TYW5: variants seen among roughly 807,000 people sequenced by gnomAD.
TYW5 encodes tRNA wybutosine-synthesizing protein 5.
Under a neutral mutation model 44.4 loss-of-function variants are expected in TYW5, and 36 were observed. The ratio of observed to expected loss-of-function variants is 0.81; its 90% CI spans 0.62 to 1.07. The LOEUF (loss-of-function observed/expected upper bound fraction) is 1.07. Ranked by LOEUF, TYW5 falls within the 50% of genes least tolerant of loss-of-function variation. TYW5 has a pLI of 0.00. For missense variants in TYW5, 354 were observed against 365.7 expected (o/e 0.97, Z 0.26); for synonymous variants, 121 against 128.1 (o/e 0.94, Z 0.37).
chr2:199,935,931 C>T lies in TYW5; in HGVS notation c.691G>A (p.Ala231Thr). Residue 231 changes from alanine (A) to threonine (T), a missense_variant and splice_region_variant, in exon 7 of 8, where the codon GCT becomes ACT. Coordinates refer to ENST00000354611, the MANE Select transcript of TYW5 (RefSeq NM_001039693.3). ...CATTAGTGAGGTCTAGAAATCTTACCAGGAATGAATAATACATCACCAGCT... is the reference window on the plus strand; with the variant it reads ...CATTAGTGAGGTCTAGAAATCTTACTAGGAATGAATAATACATCACCAGCT... Reference protein sequence around the residue: ...LEAGDVLFIPALWFHNVISEE... With the variant: ...LEAGDVLFIPTLWFHNVISEE... The T allele has an allele frequency of 1.3e-6, 2 of 1,591,844 alleles. No homozygotes were observed. Among genetic ancestry groups the T allele is most frequent in the Non-Finnish European group, 1.7e-6 (2 of 1,162,420 alleles).
intron 3 of TYW5, chr2:199,941,974 C>G (rs897492905): frequency 3.9e-5 from 6 of 152,246 alleles, no homozygotes; most frequent in Non-Finnish European, 5.9e-5. Flanking sequence ...AGATCTGTAT[C>G]TACATGTCTT....
In TYW5 at chr2:199,955,212, G is replaced by A. The variant is rs945808249; in HGVS notation, c.78+181C>T. On this transcript the variant is annotated intron_variant, in intron 1 of 7. Transcript: ENST00000354611. ...GACTTTCTCCGGAAATTTCAATAGAGGAGCCAGTCGGCGTCCCCCGTGCAC... is the reference window on the plus strand; with the variant it reads ...GACTTTCTCCGGAAATTTCAATAGAAGAGCCAGTCGGCGTCCCCCGTGCAC... The A allele has an allele frequency of 1.0e-5, 6 of 591,306 alleles. No individual in the cohort carries two copies. The African/African-American group carries it at 1.1e-4, about 11-fold the overall frequency. The allele number at this position is 591,306 out of a possible 1,614,324, so 36.6% of individuals were successfully genotyped here. A position where few individuals can be genotyped will look rare whatever the true frequency, so the allele number is the denominator to read the frequency against.
chr2:199,943,487 A>G, intron 3 of TYW5: 1 of 280,386 alleles, frequency 3.6e-6, no homozygotes, highest in African/African-American at 2.2e-5. Flanking sequence ...TAAGTATTTT[A>G]CTATTTTATT....
Position 199,933,203 on chromosome 2 carries a change from G to T in TYW5, c.812C>A (p.Ala271Glu). The T allele has an allele frequency of 6.2e-7, 1 of 1,614,136 alleles. No homozygotes were observed. Among genetic ancestry groups the T allele is most frequent in the Non-Finnish European group, 8.5e-7 (1 of 1,180,022 alleles). Residue 271 changes from alanine to glutamate, a missense_variant, in exon 8 of 8, where the codon GCA becomes GAA. Transcript: ENST00000354611. The part of the protein sequence containing the change: ...TDTYGNKDPT[A>E]ASRAAQILDR... ...CAGAATTTGTGCAGCTCTTGATGCT[G>T]CTGTAGGATCTTTGTTTCCATAGGT...
chr2:199,953,912 C>T (rs1165500637), intron 1 of TYW5, among the ~76,000 whole-genome samples: 1 of 152,234 alleles, frequency 6.6e-6, no homozygotes, highest in Non-Finnish European at 1.5e-5. Flanking sequence ...AGCACTTCCA[C>T]ATACCCTAAT....
chr2:199,951,463 GATTTT>G (rs2077544225), intron 1 of TYW5, among the ~76,000 whole-genome samples: 1 of 151,918 alleles, frequency 6.6e-6, no homozygotes, highest in South Asian at 2.1e-4. Flanking sequence ...CATCCTTGTT[GATTTT>G]ATTATTATGA....
chr2:199,950,708 G>A (rs1236286194), intron 1 of TYW5, among the ~76,000 whole-genome samples: 1 of 152,172 alleles, frequency 6.6e-6, no homozygotes, highest in Non-Finnish European at 1.5e-5. Flanking sequence ...ATCTTGTCCA[G>A]GATTGGTTCC....
chr2:199,935,879 G>GA, intron 7 of TYW5, 52 bp downstream of exon 7: 1 of 1,155,966 alleles, frequency 8.7e-7, no homozygotes, highest in Non-Finnish European at 1.3e-6. Flanking sequence ...AAGGATGAGT[G>GA]ACAGAGTACA....
intron 5 of TYW5, among the ~76,000 whole-genome samples, chr2:199,937,124 A>T (rs1472521778): frequency 1.3e-5 from 2 of 152,242 alleles, no homozygotes; most frequent in Admixed American, 1.3e-4. Context: ...TAGATTGTGA[A>T]AAAATGTTAA....
Position 199,930,341 on chromosome 2 carries a change from A to C in TYW5, c.*2726T>G, listed in dbSNP as rs901941286. 1 of 152,260 alleles carries C rather than the reference A, an allele frequency of 6.6e-6. No homozygotes were observed. The highest frequency in any genetic ancestry group is 1.5e-5 in the Non-Finnish European group (1 of 68,050). 9.4% of individuals were successfully genotyped at this position (152,260 alleles called of 1,614,324 possible). A position where few individuals can be genotyped will look rare whatever the true frequency, so the allele number is the denominator to read the frequency against. ...CCTAGTTGAACCTCTTCTTGGAGGC[A>C]TAATTATCACTGGTTTCTCGTGCAT... On this transcript the variant is annotated 3_prime_UTR_variant, in exon 8 of 8. Transcript: ENST00000354611.
chr2:199,935,719 A>AACACACAC (rs142361195), intron 7 of TYW5, among the ~76,000 whole-genome samples: 32 of 138,202 alleles, frequency 2.3e-4, no homozygotes, highest in African/African-American at 6.9e-4. Flanking sequence ...GCCTGCTTTA[A>AACACACAC]ACACACACAC....
intron 2 of TYW5, chr2:199,948,002 GTA>G (rs1427568418): frequency 4.4e-6 from 1 of 229,782 alleles, no homozygotes; most frequent in African/African-American, 2.4e-5. Flanking sequence ...TGAGGCAGGA[GTA>G]TCACTTGAAC....
At chr2:199,955,353 C>T (rs1182210637) in intron 1 of TYW5, 40 bp downstream of exon 1, 5 of 1,603,804 alleles carry the variant, frequency 3.1e-6, no homozygotes, top group Non-Finnish European at 4.3e-6. Flanking sequence ...ACGTGTCTCT[C>T]GCTGGTTTCT....
At position 199,935,966 on chromosome 2, in the gene TYW5, C is replaced by T; in HGVS notation, c.656G>A (p.Cys219Tyr). 6.2e-7 allele frequency: 1 copy of T among 1,612,488 alleles called. No individual in the cohort carries two copies. Among genetic ancestry groups the T allele is most frequent in the South Asian group, 1.1e-5 (1 of 90,990 alleles). The change falls in exon 7 of 8, where the codon TGT becomes TAT. Residue 219 changes from cysteine to tyrosine, a missense_variant. Physicochemically the swap from Cys to Tyr is radical, Grantham distance 194. Coordinates refer to ENST00000354611, the MANE Select transcript of TYW5 (RefSeq NM_001039693.3). ...TAATACATCACCAGCTTCAAGGGAA[C>T]ATTCATATCTTCTAGCCTTGGAAAA... is the stretch of plus-strand genomic sequence containing the variant. ...PLFSKARRYECSLEAGDVLFI... is the reference protein window; with the variant it reads ...PLFSKARRYEYSLEAGDVLFI...
chr2:199,936,388 T>TA lies in TYW5; in HGVS notation c.574+16dup, dbSNP rs769440901. ...TGAATAGACTTTTGAAATATAAACT[T>TA]AAAAAAAATCCCATACCTTTTAAAT... On this transcript the variant is annotated intron_variant, in intron 6 of 7. Transcript: ENST00000354611. 3.0e-5 allele frequency: 48 copies of TA among 1,594,840 alleles called. No individual in the cohort carries two copies. Among genetic ancestry groups the TA allele is most frequent in the Middle Eastern group, 1.7e-4 (1 of 5,830 alleles).
rs1190417246 is a variant in TYW5, at chr2:199,933,116, C to G, written c.899G>C (p.Arg300Pro). The change falls in exon 8 of 8, where the codon CGA becomes CCA. Residue 300 changes from arginine to proline, a missense_variant. By Grantham distance (103) the Arg-to-Pro change is moderately radical. Coordinates refer to ENST00000354611, the MANE Select transcript of TYW5 (RefSeq NM_001039693.3). ...PEEYRDFYARRMVLHIQDKAY... is the reference protein window; with the variant it reads ...PEEYRDFYARPMVLHIQDKAY... The stretch of plus-strand genomic sequence containing the variant: ...TTTGTCTTGAATGTGTAGGACCATT[C>G]GTCGTGCATAGAAGTCCCTATATTC... 1.2e-6 allele frequency: 2 copies of G among 1,614,010 alleles called. No homozygotes were observed. Among genetic ancestry groups the G allele is most frequent in the Non-Finnish European group, 1.7e-6 (2 of 1,180,024 alleles).
chr2:199,948,157 T>C, intron 2 of TYW5, 161 bp downstream of exon 2: 1 of 671,696 alleles, frequency 1.5e-6, no homozygotes, highest in Non-Finnish European at 2.4e-6. Context: ...AACTCTTGTC[T>C]TTTAAAAACC....
chr2:199,948,258 T>A, intron 2 of TYW5, 60 bp downstream of exon 2: 1 of 1,571,946 alleles, frequency 6.4e-7, no homozygotes, highest in Non-Finnish European at 8.7e-7. Context: ...AATGCAAAAA[T>A]ATTTTAAAAG....
At chr2:199,952,545 T>C (rs896130860) in intron 1 of TYW5, among the ~76,000 whole-genome samples, 3 of 152,246 alleles carry the variant, frequency 2.0e-5, no homozygotes, top group Non-Finnish European at 4.4e-5. Flanking sequence ...TTGAAAGTTC[T>C]TTCCATACAA....
Sources: allele counts gnomAD v4.1 joint callset (sites outside exome capture counted in the v4.1 genomes callset), GRCh38; gene constraint gnomAD v4.1.1; transcripts MANE v1.5; gene names NCBI Gene and HGNC (gene_info 2026-07-23, HGNC 2026-07-21).